Variants in CYGB observed in about 807,000 individuals in gnomAD.
CYGB encodes the protein cytoglobin, also known as histoglobin.
A neutral mutation model predicts 20.7 loss-of-function variants in CYGB; 13 were observed. That is an observed-to-expected ratio of 0.63 (90% CI 0.41 to 1.00). The LOEUF (loss-of-function observed/expected upper bound fraction) is 1.00. CYGB is among the 50% of genes least tolerant of loss of function. CYGB has a pLI of 0.00. For missense variants in CYGB, 218 were observed against 257.2 expected, an observed-to-expected ratio of 0.85 and a Z score of 1.04; for synonymous variants, 93 against 107.4, an observed-to-expected ratio of 0.87 and a Z score of 0.83.
At chr17:76,545,751 A>G (rs916770721) in intron 1 of CYGB, 3 of 236,156 alleles carry the variant, frequency 1.3e-5, no homozygotes, top group Admixed American at 5.1e-5. Context: ...GAAGATGCTT[A>G]GCATGTTGGG....
Position 76,530,959 on chromosome 17 carries a change from A to G in CYGB, c.539+20T>C. Reference sequence around the variant, plus strand: ...ACATGGCGGGGAGGCTGCCCAGCCCACCCTCGCCCGCCTCCTCACGTGGTG... The same window carrying G: ...ACATGGCGGGGAGGCTGCCCAGCCCGCCCTCGCCCGCCTCCTCACGTGGTG... On this transcript the variant is annotated intron_variant, in intron 3 of 3. Transcript: ENST00000293230. The surrounding 1 kb of genome is among the most constrained non-coding windows in gnomAD (Gnocchi z 6.1). 1 of 1,553,958 alleles carries G rather than the reference A, an allele frequency of 6.4e-7. No homozygotes were observed.
intron 1 of CYGB, among the ~76,000 whole-genome samples, chr17:76,532,469 C>T (rs1307709005): frequency 6.6e-6 from 1 of 151,894 alleles, no homozygotes; most frequent in African/African-American, 2.4e-5. Flanking sequence ...TCCCAAGGCT[C>T]TCACGCACCC....
intron 1 of CYGB, among the ~76,000 whole-genome samples, chr17:76,549,473 G>A (rs549852057): frequency 1.2e-4 from 19 of 152,318 alleles, no homozygotes; most frequent in African/African-American, 4.6e-4. Context: ...GCTGAAGGCC[G>A]ACCATAGTAA....
At chr17:76,539,978 G>T (rs1245260638), upstream of CYGB, 1 of 702,050 alleles carries the variant, frequency 1.4e-6, no homozygotes, top group Non-Finnish European at 2.4e-6. Context: ...TCCTCACAAG[G>T]TCGGGGCCGC....
At chr17:76,540,252 G>GC (rs1555624422), upstream of CYGB, 37 of 925,412 alleles carry the variant, frequency 4.0e-5, no homozygotes, top group South Asian at 1.2e-4. This position sits in a 1 kb window ranked among gnomAD's most constrained non-coding sequence, Gnocchi z 5.0. Context: ...GCGGTTGGTC[G>GC]GGGGGGGGGG....
At chr17:76,537,285 C>G in intron 1 of CYGB, 115 bp downstream of exon 1, 1 of 1,223,730 alleles carries the variant, frequency 8.2e-7, no homozygotes, top group Non-Finnish European at 1.1e-6. Context: ...TCGGACCGGC[C>G]CCATTCGCGG....
intron 1 of CYGB, chr17:76,542,912 G>T: frequency 1.7e-6 from 1 of 578,086 alleles, no homozygotes; most frequent in South Asian, 1.5e-5. Flanking sequence ...TGGGGCATGA[G>T]GGCAGTGTCG....
At chr17:76,549,999 A>G (rs1318944368) in intron 1 of CYGB, 1 of 151,960 alleles carries the variant, frequency 6.6e-6, no homozygotes, top group East Asian at 1.9e-4. Context: ...TTTGTCACCC[A>G]GGCTGGAGTG....
At position 76,546,295 on chromosome 17, in the gene CYGB, G is replaced by C. The variant is rs1052752071; in HGVS notation, c.-53+4567C>G. 2.6e-5 allele frequency: 4 copies of C among 152,314 alleles called. No individual in the cohort carries two copies. The highest frequency in any genetic ancestry group is 9.6e-5 in the African/African-American group (4 of 41,540). 9.4% of individuals were successfully genotyped at this position (152,314 alleles called of 1,614,324 possible). On this transcript the variant is annotated intron_variant, in intron 1 of 3. Transcript: ENST00000589145. This position sits in a 1 kb window ranked among gnomAD's most constrained non-coding sequence, Gnocchi z 4.5. Reference sequence around the variant, plus strand: ...GGCTGCCAGTCTCTCCTGGAGACTGGAGCATGACCAGGGAACTAATGAGGC... The same window carrying C: ...GGCTGCCAGTCTCTCCTGGAGACTGCAGCATGACCAGGGAACTAATGAGGC...
At chr17:76,540,216 G>A (rs779066277), upstream of CYGB, 13 of 1,509,794 alleles carry the variant, frequency 8.6e-6, no homozygotes, top group East Asian at 2.6e-5. This position sits in a 1 kb window ranked among gnomAD's most constrained non-coding sequence, Gnocchi z 5.0. Flanking sequence ...GAGTCCAACC[G>A]TGAGAAACTG....
intron 3 of CYGB, chr17:76,529,518 G>T (rs372547275): frequency 2.0e-6 from 2 of 985,438 alleles, no homozygotes; most frequent in Non-Finnish European, 2.4e-6. Context: ...TGGGGCTCGC[G>T]CCCAGCCAGC....
intron 1 of CYGB, among the ~76,000 whole-genome samples, chr17:76,532,641 C>A (rs1232021590): frequency 2.7e-5 from 4 of 149,966 alleles, no homozygotes; most frequent in African/African-American, 9.8e-5. Context: ...AAGTGATTCT[C>A]TTGCCTCAGC....
In CYGB at chr17:76,530,721, C is replaced by T. The variant is rs1272801847; in HGVS notation, c.539+258G>A. 6.6e-6 allele frequency among the ~76,000 whole-genome samples: 1 copy of T among 152,166 alleles called. No individual in the cohort carries two copies. The highest frequency in any genetic ancestry group is 1.5e-5 in the Non-Finnish European group (1 of 68,004). On this transcript the variant is annotated intron_variant, in intron 3 of 3. Coordinates refer to ENST00000293230, the MANE Select transcript of CYGB (RefSeq NM_134268.5). This position sits in a 1 kb window ranked among gnomAD's most constrained non-coding sequence, Gnocchi z 6.1. Reference sequence around the variant, plus strand: ...TTTGGGTGCTCTGAGCTCTCCCTGGCTCTAGGGAAGGGGAAGGCTCTTTGG... The same window carrying T: ...TTTGGGTGCTCTGAGCTCTCCCTGGTTCTAGGGAAGGGGAAGGCTCTTTGG...
rs2074823847 is a variant in CYGB at position 76,530,511 on chromosome 17, C to T, written c.539+468G>A. ...GTGTGTATGTGTCCTCGTGATCCTC[C>T]GGGCTCTAGCCCTATTGAGGCAGAG... On this transcript the variant is annotated intron_variant, in intron 3 of 3. Coordinates refer to ENST00000293230, the MANE Select transcript of CYGB (RefSeq NM_134268.5). The surrounding 1 kb of genome is among the most constrained non-coding windows in gnomAD (Gnocchi z 6.1). Among the ~76,000 whole-genome samples, 1 of 152,134 alleles carries T rather than the reference C, an allele frequency of 6.6e-6. No homozygotes were observed. The highest frequency in any genetic ancestry group is 1.5e-5 in the Non-Finnish European group (1 of 68,014).
upstream of CYGB, chr17:76,540,254 G>C (rs4648338): frequency 2.1e-5 from 19 of 887,852 alleles, 2 homozygotes; most frequent in East Asian, 2.8e-5. The surrounding 1 kb of genome is among the most constrained non-coding windows in gnomAD (Gnocchi z 5.0). Context: ...GGTTGGTCGG[G>C]GGGGGGGGGC....
intron 1 of CYGB, among the ~76,000 whole-genome samples, chr17:76,547,701 ACACACACACACAGAGACACATACATT>A (rs2075066234): frequency 6.6e-6 from 1 of 151,070 alleles, no homozygotes; most frequent in Non-Finnish European, 1.5e-5. Flanking sequence ...ACACACACAG[ACACACACACACAGAGACACATACATT>A]CACACACACA....
chr17:76,532,530 C>CTTTTTT (rs111936272), intron 1 of CYGB, among the ~76,000 whole-genome samples: 1 of 125,726 alleles, frequency 8.0e-6, no homozygotes, highest in Non-Finnish European at 1.7e-5. Context: ...ATGACAATGG[C>CTTTTTT]TTTTTTTTTT....
chr17:76,540,547 G>C (rs568895462), upstream of CYGB: 10 of 1,613,586 alleles, frequency 6.2e-6, no homozygotes, highest in East Asian at 8.9e-5. The surrounding 1 kb of genome is among the most constrained non-coding windows in gnomAD (Gnocchi z 5.0). Flanking sequence ...GCAGCAGCTT[G>C]GATGCGGACC....
upstream of CYGB, chr17:76,538,603 A>C: frequency 2.4e-6 from 1 of 421,388 alleles, no homozygotes; most frequent in Non-Finnish European, 5.0e-6. Flanking sequence ...GGCAGACAAA[A>C]AGTCTTGAGG....
Sources: allele counts gnomAD v4.1 joint callset (sites outside exome capture counted in the v4.1 genomes callset), GRCh38; gene constraint gnomAD v4.1.1; non-coding constraint Gnocchi (gnomAD v3.1); transcripts MANE v1.5; gene names NCBI Gene and HGNC (gene_info 2026-07-23, HGNC 2026-07-21).